Variants in PHACTR4 observed in about 807,000 individuals in gnomAD.
PHACTR4 encodes phosphatase and actin regulator 4.
PHACTR4 carries 51 observed loss-of-function variants against 72.7 expected under a neutral mutation model. That is an observed-to-expected ratio of 0.70 (90% CI 0.56 to 0.89). The LOEUF (loss-of-function observed/expected upper bound fraction) is 0.89. Ranked by LOEUF, PHACTR4 falls within the 40% of genes least tolerant of loss-of-function variation. PHACTR4 has a pLI of 0.00. For synonymous variants in PHACTR4, 255 were observed against 302.5 expected (o/e 0.84, Z 1.63); for missense variants, 731 against 861.8 (o/e 0.85, Z 1.90).
intron 9 of PHACTR4, among the ~76,000 whole-genome samples, chr1:28,485,655 C>T (rs147451426): frequency 1.3e-3 from 194 of 150,844 alleles, no homozygotes; most frequent in Non-Finnish European, 1.1e-3. Flanking sequence ...AATCCCAATA[C>T]TTTGGGAGGC....
intron 2 of PHACTR4, among the ~76,000 whole-genome samples, chr1:28,440,029 C>T (rs904785206): frequency 1.3e-5 from 2 of 152,052 alleles, no homozygotes; most frequent in Non-Finnish European, 2.9e-5. Context: ...AGGCCGGGCG[C>T]GGTGGCTCAC....
chr1:28,416,573 T>C (rs1655118597), intron 2 of PHACTR4, among the ~76,000 whole-genome samples: 1 of 152,258 alleles, frequency 6.6e-6, no homozygotes, highest in South Asian at 2.1e-4. Flanking sequence ...GCTGACATTC[T>C]GGACTATTGC....
At chr1:28,404,500 C>G (rs966762388) in intron 1 of PHACTR4, among the ~76,000 whole-genome samples, 2 of 151,566 alleles carry the variant, frequency 1.3e-5, no homozygotes, top group Non-Finnish European at 2.9e-5. Context: ...CCAGGCTGGT[C>G]TCGAACTCCT....
intron 6 of PHACTR4, among the ~76,000 whole-genome samples, chr1:28,469,376 T>G (rs1462361679): frequency 6.6e-6 from 1 of 152,172 alleles, no homozygotes; most frequent in Non-Finnish European, 1.5e-5. Context: ...TAACATGGAG[T>G]ATTACGACTA....
intron 1 of PHACTR4, among the ~76,000 whole-genome samples, chr1:28,382,892 C>T (rs956588044): frequency 6.6e-6 from 1 of 152,076 alleles, no homozygotes; most frequent in Non-Finnish European, 1.5e-5. Flanking sequence ...CTCCTGGATT[C>T]AAGTGATTCT....
intron 9 of PHACTR4, among the ~76,000 whole-genome samples, chr1:28,487,410 A>T (rs10915199): frequency 1.3e-5 from 2 of 150,328 alleles, no homozygotes; most frequent in East Asian, 2.0e-4. Flanking sequence ...AAAATGGAAG[A>T]TCCTTGAGGT....
intron 2 of PHACTR4, among the ~76,000 whole-genome samples, chr1:28,410,801 G>A (rs774757184): frequency 9.2e-5 from 14 of 151,996 alleles, no homozygotes; most frequent in Admixed American, 1.3e-4. Context: ...CCACCTCCCG[G>A]GTTCAAGTGA....
intron 6 of PHACTR4, among the ~76,000 whole-genome samples, chr1:28,469,813 C>T (rs1475161717): frequency 2.0e-5 from 3 of 151,530 alleles, no homozygotes; most frequent in Non-Finnish European, 2.9e-5. Flanking sequence ...CCCAGCACTT[C>T]GGGAGGCCGA....
intron 1 of PHACTR4, among the ~76,000 whole-genome samples, chr1:28,401,227 A>AG (rs1418493771): frequency 6.6e-6 from 1 of 152,158 alleles, no homozygotes; most frequent in Non-Finnish European, 1.5e-5. Flanking sequence ...AAAGCAAGAA[A>AG]GGAAAAAAAA....
At chr1:28,423,029 T>G (rs1187330306) in intron 2 of PHACTR4, among the ~76,000 whole-genome samples, 1 of 152,196 alleles carries the variant, frequency 6.6e-6, no homozygotes, top group Non-Finnish European at 1.5e-5. Context: ...CCTCAGGTAA[T>G]CCGCCTGCCT....
At chr1:28,437,932 GT>G (rs1034650318) in intron 2 of PHACTR4, among the ~76,000 whole-genome samples, 1 of 152,184 alleles carries the variant, frequency 6.6e-6, no homozygotes, top group Non-Finnish European at 1.5e-5. Flanking sequence ...CCATCCTGGT[GT>G]TTTTGTGTGA....
At chr1:28,489,806 C>T in intron 10 of PHACTR4, 1 of 518,972 alleles carries the variant, frequency 1.9e-6, no homozygotes, top group South Asian at 1.4e-5. Context: ...TAAAAGTCTC[C>T]TCACTGAGAA....
At chr1:28,480,310 G>A in intron 8 of PHACTR4, 141 bp from the exon 9 acceptor site, 1 of 933,746 alleles carries the variant, frequency 1.1e-6, no homozygotes. Context: ...CCACCTCAGT[G>A]TTCAGCTGGA....
chr1:28,492,769 CAA>C (rs565942582), intron 12 of PHACTR4, among the ~76,000 whole-genome samples: 59 of 152,134 alleles, frequency 3.9e-4, no homozygotes, highest in African/African-American at 1.3e-3. Flanking sequence ...CAGGGAAAAA[CAA>C]AAATAAAAAC....
chr1:28,448,844 T>A (rs1234031565), intron 2 of PHACTR4, among the ~76,000 whole-genome samples: 2 of 112,970 alleles, frequency 1.8e-5, no homozygotes, highest in Non-Finnish European at 3.3e-5. Flanking sequence ...TTGTTACTTA[T>A]TACCAAGTCA....
intron 2 of PHACTR4, among the ~76,000 whole-genome samples, chr1:28,412,845 T>C (rs1297884113): frequency 1.3e-5 from 2 of 152,206 alleles, no homozygotes; most frequent in Admixed American, 6.5e-5. Context: ...GGAGATTGTA[T>C]TGGGCAGGGT....
chr1:28,379,883 C>T (rs1652014498), intron 1 of PHACTR4, among the ~76,000 whole-genome samples: 1 of 151,632 alleles, frequency 6.6e-6, no homozygotes, highest in African/African-American at 2.4e-5. Flanking sequence ...GCCACCGCGC[C>T]CAGCCTATAA....
intron 9 of PHACTR4, among the ~76,000 whole-genome samples, chr1:28,483,567 C>T (rs751322671): frequency 3.9e-5 from 6 of 151,916 alleles, no homozygotes; most frequent in South Asian, 4.1e-4. Context: ...TTTGGGAGGC[C>T]GAGGCGGGTG....
At chr1:28,413,920 G>A (rs1245155098) in intron 2 of PHACTR4, among the ~76,000 whole-genome samples, 1 of 152,172 alleles carries the variant, frequency 6.6e-6, no homozygotes, top group East Asian at 1.9e-4. Context: ...TCTCATATCA[G>A]TATCAGGGTC....
Sources: allele counts gnomAD v4.1 joint callset (sites outside exome capture counted in the v4.1 genomes callset), GRCh38; gene constraint gnomAD v4.1.1; transcripts MANE v1.5; gene names NCBI Gene and HGNC (gene_info 2026-07-23, HGNC 2026-07-21).